PIEZO2: variants seen among roughly 807,000 people sequenced by gnomAD.
PIEZO2 encodes the protein piezo type mechanosensitive ion channel component 2, also known as piezo-type mechanosensitive ion channel component 2.
Under a neutral mutation model 337.3 loss-of-function variants are expected in PIEZO2, and 172 were observed. That is an observed-to-expected ratio of 0.51 (90% CI 0.45 to 0.58). The LOEUF (loss-of-function observed/expected upper bound fraction) is 0.58. Ranked by LOEUF, PIEZO2 falls within the 20% of genes least tolerant of loss-of-function variation. The pLI, the probability that PIEZO2 is intolerant of heterozygous loss-of-function variation, is 0.00. For missense variants in PIEZO2, 3,028 were observed against 3,391.3 expected, an observed-to-expected ratio of 0.89 and a Z score of 2.66; for synonymous variants, 1,251 against 1,228.5, an observed-to-expected ratio of 1.02 and a Z score of -0.38.
intron 36 of PIEZO2, among the ~76,000 whole-genome samples, chr18:10,729,454 G>C (rs1011372828): frequency 1.3e-5 from 2 of 151,898 alleles, no homozygotes; most frequent in East Asian, 3.9e-4. Context: ...GTGAAACTCC[G>C]TCTCTACTAA....
intron 2 of PIEZO2, among the ~76,000 whole-genome samples, chr18:10,989,554 AAAT>A (rs2035012805): frequency 6.6e-6 from 1 of 152,132 alleles, no homozygotes; most frequent in African/African-American, 2.4e-5. Context: ...ATGCCAACAT[AAAT>A]AATATTTACA....
At chr18:10,720,415 GTATGTA>G (rs1567983966) in intron 36 of PIEZO2, among the ~76,000 whole-genome samples, 90 of 39,888 alleles carry the variant, frequency 2.3e-3, no homozygotes, top group Non-Finnish European at 4.2e-3. Flanking sequence ...ATGTGTATGT[GTATGTA>G]TATATATATA....
chr18:10,995,552 T>C (rs2035289700), intron 2 of PIEZO2, among the ~76,000 whole-genome samples: 1 of 152,260 alleles, frequency 6.6e-6, no homozygotes, highest in Admixed American at 6.5e-5. Flanking sequence ...GAGGAAATTC[T>C]GAGAAGTTCA....
chr18:10,745,226 TC>T (rs1194798844), intron 30 of PIEZO2, among the ~76,000 whole-genome samples: 1 of 152,158 alleles, frequency 6.6e-6, no homozygotes, highest in Admixed American at 6.5e-5. Flanking sequence ...CCAGGTCCCT[TC>T]CCCACCCATA....
intron 1 of PIEZO2, among the ~76,000 whole-genome samples, chr18:11,113,955 T>C (rs982578907): frequency 6.6e-6 from 1 of 152,272 alleles, no homozygotes; most frequent in Non-Finnish European, 1.5e-5. Context: ...GAAATATTCA[T>C]GTAATTTCAA....
chr18:11,103,339 G>C (rs1306484462), intron 1 of PIEZO2, among the ~76,000 whole-genome samples: 19 of 152,118 alleles, frequency 1.2e-4, no homozygotes, highest in Admixed American at 1.2e-3. Context: ...ACCTCCCAAA[G>C]TGCTAGGATT....
At chr18:10,839,730 G>A (rs955955685) in intron 7 of PIEZO2, among the ~76,000 whole-genome samples, 1 of 152,130 alleles carries the variant, frequency 6.6e-6, no homozygotes, top group African/African-American at 2.4e-5. Flanking sequence ...TTAATCTATA[G>A]CAAGGACACT....
intron 43 of PIEZO2, among the ~76,000 whole-genome samples, chr18:10,699,600 A>T (rs1408325187): frequency 6.6e-6 from 1 of 152,192 alleles, no homozygotes; most frequent in Admixed American, 6.5e-5. Flanking sequence ...TAAATTGCCC[A>T]GTCTCAGGTA....
At chr18:10,811,322 C>T (rs2040182669) in intron 7 of PIEZO2, among the ~76,000 whole-genome samples, 1 of 152,094 alleles carries the variant, frequency 6.6e-6, no homozygotes, top group South Asian at 2.1e-4. Context: ...AGTTTACGTG[C>T]TTGTTTTGCT....
chr18:11,071,758 A>G (rs2625372), intron 1 of PIEZO2, among the ~76,000 whole-genome samples: 116,463 of 152,028 alleles, frequency 0.77, 45,734 homozygotes, highest in East Asian at 0.99. Context: ...TCCAACTCAC[A>G]GAAGACAGCC....
rs947351416 is a variant in PIEZO2 at position 10,780,355 on chromosome 18, A to T, written c.2504T>A (p.Val835Asp). 4.3e-6 allele frequency: 3 copies of T among 702,994 alleles called. No individual in the cohort carries two copies. The East Asian group carries it at 8.0e-5, about 19-fold the overall frequency. The allele number at this position is 702,994 out of a possible 1,614,324, so 43.5% of individuals were successfully genotyped here. The change falls in exon 18 of 56, where the codon GTC (valine) becomes GAC (aspartate). Residue 835 changes from valine (V) to aspartate (D), a missense_variant. By Grantham distance (152) the Val-to-Asp change is radical. Around this residue, in one of 5 missense-constraint regions of PIEZO2, gnomAD observed 1,925 missense variants for 2,051.9 expected, o/e 0.94. Coordinates refer to ENST00000674853, the MANE Select transcript of PIEZO2 (RefSeq NM_001378183.1). ...TATTATTAGATATACGCGACCATTG[A>T]CTTTGGCATGGCTACGAGGTGGCAG... ...EDNTIYSHAKVNGRVYLIINS... is the reference protein window; with the variant it reads ...EDNTIYSHAKDNGRVYLIINS...
chr18:10,907,604 G>T (rs1231979512), intron 4 of PIEZO2, among the ~76,000 whole-genome samples: 5 of 152,152 alleles, frequency 3.3e-5, no homozygotes, highest in African/African-American at 7.2e-5. Flanking sequence ...AACATTTGTT[G>T]TATTAAGCCA....
At chr18:10,725,097 C>A in intron 36 of PIEZO2, 4 of 1,492,874 alleles carry the variant, frequency 2.7e-6, no homozygotes, top group Non-Finnish European at 3.7e-6. Context: ...AGTCGCATTA[C>A]ACCTACAATC....
chr18:10,757,854 G>A lies in PIEZO2; in HGVS notation c.3923+115C>T, dbSNP rs1598439187. ...CATTGTCCAGCATTTATTAACTTCA[G>A]TGTATACAATTCAGCAGATCTGTTT... On this transcript the variant is annotated intron_variant, in intron 27 of 55. Coordinates refer to ENST00000674853, the MANE Select transcript of PIEZO2 (RefSeq NM_001378183.1). 8.6e-5 allele frequency: 96 copies of A among 1,115,794 alleles called. 1 individual carries two copies. In the East Asian group the frequency reaches 2.3e-3, roughly 27 times the overall value. The allele number at this position is 1,115,794 out of a possible 1,614,324, so 69.1% of individuals were successfully genotyped here. A position where few individuals can be genotyped will look rare whatever the true frequency, so the allele number is the denominator to read the frequency against.
intron 7 of PIEZO2, among the ~76,000 whole-genome samples, chr18:10,845,121 T>C (rs2041314988): frequency 6.6e-6 from 1 of 152,128 alleles, no homozygotes; most frequent in Non-Finnish European, 1.5e-5. Context: ...GACACCATTT[T>C]ACAAATATTA....
chr18:10,898,144 A>G (rs1420256069), intron 4 of PIEZO2, among the ~76,000 whole-genome samples: 3 of 152,254 alleles, frequency 2.0e-5, no homozygotes. Context: ...GTGATCTAAG[A>G]GGTAAAAGTT....
intron 1 of PIEZO2, among the ~76,000 whole-genome samples, chr18:11,144,260 A>C (rs768935344): frequency 7.9e-5 from 12 of 152,254 alleles, no homozygotes; most frequent in Non-Finnish European, 1.5e-4. Context: ...TATTTTAGAA[A>C]TAAGCTCTAA....
In PIEZO2 at chr18:10,813,338, A is replaced by G. The variant is rs1372817431; in HGVS notation, c.918-6064T>C. ...TATTAATTACACTCATATTGTTGCG[A>G]AACCAATCGCCAGAACTTTTTCATC... On this transcript the variant is annotated intron_variant, in intron 7 of 55. Transcript: ENST00000674853. The surrounding 1 kb of genome is among the most constrained non-coding windows in gnomAD (Gnocchi z 4.2). Among the ~76,000 whole-genome samples, 3 of 152,194 alleles carry G rather than the reference A, an allele frequency of 2.0e-5. No individual in the cohort carries two copies. Among genetic ancestry groups the G allele is most frequent in the Non-Finnish European group, 2.9e-5 (2 of 68,038 alleles).
chr18:10,768,503 G>A (rs540267744), intron 21 of PIEZO2, among the ~76,000 whole-genome samples: 3 of 152,324 alleles, frequency 2.0e-5, no homozygotes, highest in Admixed American at 6.5e-5. Context: ...GTGACATCAC[G>A]CACAACACGA....
Sources: allele counts gnomAD v4.1 joint callset (sites outside exome capture counted in the v4.1 genomes callset), GRCh38; gene constraint gnomAD v4.1.1; regional missense constraint gnomAD v4.1.1; non-coding constraint Gnocchi (gnomAD v3.1); transcripts MANE v1.5; gene names NCBI Gene and HGNC (gene_info 2026-07-23, HGNC 2026-07-21).